Variants in DLG2 observed in about 807,000 individuals in gnomAD.
DLG2 encodes disks large homolog 2.
A neutral mutation model predicts 132.5 loss-of-function variants in DLG2; 45 were observed. That is an observed-to-expected ratio of 0.34 (90% CI 0.27 to 0.44). The LOEUF (loss-of-function observed/expected upper bound fraction) is 0.44. Ranked by LOEUF, DLG2 falls within the 20% of genes least tolerant of loss-of-function variation. The pLI, the probability that DLG2 is intolerant of heterozygous loss-of-function variation, is 1.00. For synonymous variants in DLG2, 424 were observed against 419.6 expected (o/e 1.01, Z -0.13); for missense variants, 1,045 against 1,196.9 (o/e 0.87, Z 1.87).
intron 21 of DLG2, among the ~76,000 whole-genome samples, chr11:83,504,000 A>C (rs1047249178): frequency 1.3e-5 from 2 of 152,320 alleles, no homozygotes; most frequent in African/African-American, 4.8e-5. Flanking sequence ...CAACCCAAAT[A>C]CTATTAAAGT....
intron 15 of DLG2, among the ~76,000 whole-genome samples, chr11:83,896,341 G>C (rs117955710): frequency 2.2e-3 from 332 of 152,320 alleles, no homozygotes; most frequent in Non-Finnish European, 3.5e-3. Flanking sequence ...GGACATTATA[G>C]GGTTTACTGC....
intron 6 of DLG2, among the ~76,000 whole-genome samples, chr11:84,867,546 T>C (rs2084769811): frequency 6.6e-6 from 1 of 152,122 alleles, no homozygotes. Context: ...GCAGCATTAT[T>C]AGAACAAAGA....
In DLG2 at chr11:83,472,855, G is replaced by A. The variant is rs1223185353; in HGVS notation, c.2294-78C>T. The A allele has an allele frequency of 1.9e-5, 23 of 1,205,906 alleles. No homozygotes were observed. In the Admixed American group the frequency reaches 2.3e-4, roughly 12 times the overall value. 74.7% of individuals were successfully genotyped at this position (1,205,906 alleles called of 1,614,324 possible). ...AGACAAGCCCTGCTCTGAAACACAG[G>A]AAACAGACACAGCTCAGAGTTAATT... is the stretch of plus-strand genomic sequence containing the variant. On this transcript the variant is annotated intron_variant, in intron 22 of 27. Coordinates refer to ENST00000376104, the MANE Select transcript of DLG2 (RefSeq NM_001142699.3).
At chr11:85,507,030 T>G (rs551523582) in intron 3 of DLG2, among the ~76,000 whole-genome samples, 117 of 152,192 alleles carry the variant, frequency 7.7e-4, no homozygotes, top group African/African-American at 2.7e-3. Context: ...ACTGGGATTG[T>G]AACCCCTGCA....
At chr11:84,924,502 A>G (rs894740410) in intron 6 of DLG2, among the ~76,000 whole-genome samples, 1 of 152,228 alleles carries the variant, frequency 6.6e-6, no homozygotes, top group Non-Finnish European at 1.5e-5. Context: ...CTGAAGCACC[A>G]TCAGAGTTAC....
At chr11:85,037,755 G>A (rs867282520) in intron 6 of DLG2, among the ~76,000 whole-genome samples, 5 of 152,168 alleles carry the variant, frequency 3.3e-5, no homozygotes, top group Non-Finnish European at 4.4e-5. Flanking sequence ...AAGAATATGA[G>A]AATCTTAAAA....
chr11:83,627,890 T>C (rs2153449608), intron 19 of DLG2, among the ~76,000 whole-genome samples: 1 of 152,330 alleles, frequency 6.6e-6, no homozygotes, highest in South Asian at 2.1e-4. Flanking sequence ...TTCCTGAGTT[T>C]TTAATGATCG....
intron 17 of DLG2, among the ~76,000 whole-genome samples, chr11:83,791,819 G>A (rs1371928914): frequency 3.3e-5 from 5 of 152,154 alleles, no homozygotes; most frequent in African/African-American, 7.2e-5. Flanking sequence ...TGACTGCTGC[G>A]CTCGCCTTTC....
chr11:84,124,757 T>G (rs1230989525), intron 9 of DLG2, among the ~76,000 whole-genome samples: 2 of 152,212 alleles, frequency 1.3e-5, no homozygotes, highest in Non-Finnish European at 2.9e-5. Context: ...CTAGATTTAT[T>G]GTCTTTAGAC....
intron 15 of DLG2, among the ~76,000 whole-genome samples, chr11:83,885,475 G>C (rs990141327): frequency 2.0e-5 from 3 of 152,202 alleles, no homozygotes; most frequent in Non-Finnish European, 2.9e-5. Context: ...CATCTGATTG[G>C]TGTACCTGAA....
chr11:84,363,342 C>A (rs2098662159), intron 7 of DLG2, among the ~76,000 whole-genome samples: 1 of 151,568 alleles, frequency 6.6e-6, no homozygotes, highest in Admixed American at 6.6e-5. Context: ...CCTTCGCCCA[C>A]TTTTTGATGG....
intron 18 of DLG2, among the ~76,000 whole-genome samples, chr11:83,653,655 G>T (rs1406818504): frequency 1.3e-5 from 2 of 152,140 alleles, no homozygotes; most frequent in Non-Finnish European, 2.9e-5. Flanking sequence ...CATACATTTT[G>T]TCTGTTGATA....
In DLG2 at chr11:83,702,722, AAT is replaced by A. The variant is rs753865007; in HGVS notation, c.1826-69399_1826-69398del. On this transcript the variant is annotated intron_variant, in intron 18 of 27. Transcript: ENST00000376104. ...TCTGTCTCTTCCTGGTGCTCATGAAAATTCTTCCTACCTAGCCTGAGCTTCAT... is the reference window on the plus strand; with the variant it reads ...TCTGTCTCTTCCTGGTGCTCATGAAATCTTCCTACCTAGCCTGAGCTTCAT... Among the ~76,000 whole-genome samples, 103 of 152,298 alleles carry A rather than the reference AAT, an allele frequency of 6.8e-4. 2 individuals carry two copies. The highest frequency in any genetic ancestry group is 3.5e-4 in the Non-Finnish European group (24 of 68,022).
intron 17 of DLG2, among the ~76,000 whole-genome samples, chr11:83,815,536 A>G (rs2048635376): frequency 6.6e-6 from 1 of 152,130 alleles, no homozygotes; most frequent in South Asian, 2.1e-4. Context: ...CCTGGGGCCA[A>G]GAAAATTTAC....
intron 6 of DLG2, among the ~76,000 whole-genome samples, chr11:85,053,185 C>G (rs2063071504): frequency 6.6e-6 from 1 of 152,160 alleles, no homozygotes. Context: ...AAAAATTGAA[C>G]TAAATTATCA....
intron 16 of DLG2, among the ~76,000 whole-genome samples, chr11:83,838,300 T>C (rs2056758035): frequency 6.6e-6 from 1 of 152,212 alleles, no homozygotes; most frequent in African/African-American, 2.4e-5. Context: ...CGGATGTTCA[T>C]TGTAACATTT....
intron 6 of DLG2, among the ~76,000 whole-genome samples, chr11:84,739,380 G>A (rs1368360111): frequency 2.6e-5 from 4 of 152,022 alleles, no homozygotes; most frequent in African/African-American, 9.7e-5. Flanking sequence ...ATGAAGTGAT[G>A]ACTCCCTACT....
chr11:84,494,331 G>A (rs151072804), intron 7 of DLG2, among the ~76,000 whole-genome samples: 1 of 152,154 alleles, frequency 6.6e-6, no homozygotes. Flanking sequence ...GAGGTGAAAA[G>A]TGCTCTCAAC....
intron 18 of DLG2, among the ~76,000 whole-genome samples, chr11:83,664,103 A>G (rs903146008): frequency 4.6e-5 from 7 of 152,186 alleles, no homozygotes; most frequent in Non-Finnish European, 8.8e-5. Flanking sequence ...TATTGTAGAC[A>G]GAAAGCATCT....
Sources: allele counts gnomAD v4.1 joint callset (sites outside exome capture counted in the v4.1 genomes callset), GRCh38; gene constraint gnomAD v4.1.1; transcripts MANE v1.5; gene names NCBI Gene and HGNC (gene_info 2026-07-23, HGNC 2026-07-21).